OPCML: variants seen among roughly 807,000 people sequenced by gnomAD.
OPCML encodes the protein opioid binding protein/cell adhesion molecule like.
Under a neutral mutation model 37.8 loss-of-function variants are expected in OPCML, and 13 were observed. The observed-to-expected ratio is 0.34, with a 90% CI of 0.22 to 0.55. OPCML has a LOEUF of 0.55. Ranked by LOEUF, OPCML falls within the 20% of genes least tolerant of loss-of-function variation. OPCML has a pLI of 0.91. For missense variants in OPCML, 341 were observed against 435.6 expected, an observed-to-expected ratio of 0.78 and a Z score of 1.93; for synonymous variants, 176 against 168.8, an observed-to-expected ratio of 1.04 and a Z score of -0.33.
intron 2 of OPCML, among the ~76,000 whole-genome samples, chr11:132,927,783 C>T (rs1945047387): frequency 1.3e-5 from 2 of 151,940 alleles, no homozygotes; most frequent in African/African-American, 4.8e-5. Flanking sequence ...CATGGGTACA[C>T]AATGTATAAA....
chr11:133,146,005 G>A (rs1168758753), intron 1 of OPCML, among the ~76,000 whole-genome samples: 1 of 152,196 alleles, frequency 6.6e-6, no homozygotes, highest in Admixed American at 6.5e-5. Context: ...CTGTGATAAT[G>A]TCTTATTATT....
intron 1 of OPCML, among the ~76,000 whole-genome samples, chr11:133,138,997 T>C (rs1397333456): frequency 6.6e-6 from 1 of 152,162 alleles, no homozygotes; most frequent in Non-Finnish European, 1.5e-5. Context: ...ACAAGTTAAG[T>C]TTCCCAAATT....
chr11:133,133,322 T>C (rs775920863), intron 1 of OPCML, among the ~76,000 whole-genome samples: 9 of 152,180 alleles, frequency 5.9e-5, no homozygotes, highest in Non-Finnish European at 1.0e-4. Flanking sequence ...ATCCCATTTA[T>C]TCTTCCCATC....
intron 2 of OPCML, among the ~76,000 whole-genome samples, chr11:132,913,936 G>A (rs1233043340): frequency 5.9e-5 from 9 of 152,098 alleles, no homozygotes; most frequent in Admixed American, 2.6e-4. Context: ...GCATCCTTTC[G>A]ACTCATTTTC....
At chr11:133,222,565 T>C (rs1484550225) in intron 1 of OPCML, among the ~76,000 whole-genome samples, 2 of 152,152 alleles carry the variant, frequency 1.3e-5, no homozygotes, top group African/African-American at 2.4e-5. Flanking sequence ...CAGGCTGTGT[T>C]TGTTTCCAGC....
intron 2 of OPCML, among the ~76,000 whole-genome samples, chr11:132,888,424 C>T (rs916709661): frequency 1.3e-5 from 2 of 152,120 alleles, no homozygotes; most frequent in Non-Finnish European, 2.9e-5. Flanking sequence ...TCAGCATGCT[C>T]GGTGAGGGAT....
intron 1 of OPCML, among the ~76,000 whole-genome samples, chr11:133,114,483 C>T (rs766555426): frequency 6.6e-5 from 10 of 152,184 alleles, no homozygotes; most frequent in Admixed American, 2.6e-4. Flanking sequence ...AAATCAGTCT[C>T]CTAACTGTCT....
At chr11:133,020,682 A>G (rs748964522) in intron 1 of OPCML, among the ~76,000 whole-genome samples, 7 of 152,170 alleles carry the variant, frequency 4.6e-5, no homozygotes, top group Non-Finnish European at 1.0e-4. Context: ...AGCTGACACA[A>G]GTCAGTTCTT....
intron 1 of OPCML, among the ~76,000 whole-genome samples, chr11:133,231,493 T>C (rs1036496056): frequency 1.3e-5 from 2 of 152,136 alleles, no homozygotes; most frequent in Non-Finnish European, 2.9e-5. Context: ...AAACATTTCA[T>C]TGTAATTTTA....
At chr11:132,495,144 C>A (rs1332669406) in intron 4 of OPCML, among the ~76,000 whole-genome samples, 1 of 151,386 alleles carries the variant, frequency 6.6e-6, no homozygotes, top group Non-Finnish European at 1.5e-5. Context: ...CATTTCATTT[C>A]TTCCATTGTA....
chr11:132,780,895 C>T (rs1344885209), intron 2 of OPCML, among the ~76,000 whole-genome samples: 1 of 152,160 alleles, frequency 6.6e-6, no homozygotes, highest in Non-Finnish European at 1.5e-5. Context: ...TGTAAGCAGA[C>T]TCACTGGGGA....
At chr11:132,782,917 GTA>G (rs59984496) in intron 2 of OPCML, among the ~76,000 whole-genome samples, 7,881 of 124,980 alleles carry the variant, frequency 0.063, 337 homozygotes, top group African/African-American at 0.14. Flanking sequence ...TATAGTGTGT[GTA>G]TATATATATA....
chr11:132,958,116 T>C (rs1248946302), intron 1 of OPCML, among the ~76,000 whole-genome samples: 3 of 152,150 alleles, frequency 2.0e-5, no homozygotes, highest in Non-Finnish European at 2.9e-5. Flanking sequence ...CAAAGGAAAA[T>C]TCCTGAAGGA....
chr11:133,477,962 A>C (rs1169040056), intron 1 of OPCML, among the ~76,000 whole-genome samples: 1 of 152,226 alleles, frequency 6.6e-6, no homozygotes, highest in African/African-American at 2.4e-5. Flanking sequence ...ATTTTAATTA[A>C]GTAGTGTTAA....
At chr11:133,015,387 GGAAGGAAT>G (rs1335237311) in intron 1 of OPCML, among the ~76,000 whole-genome samples, 13 of 86,824 alleles carry the variant, frequency 1.5e-4, no homozygotes, top group East Asian at 3.8e-4. Context: ...AAGGAAGGAA[GGAAGGAAT>G]GAAGGAAGGA....
intron 1 of OPCML, among the ~76,000 whole-genome samples, chr11:133,288,295 C>G (rs1408447206): frequency 6.6e-6 from 1 of 152,208 alleles, no homozygotes; most frequent in East Asian, 1.9e-4. Context: ...GGAGACTTAG[C>G]AGGTTATGCT....
intron 2 of OPCML, among the ~76,000 whole-genome samples, chr11:132,823,376 C>G (rs1485238175): frequency 1.3e-5 from 2 of 152,172 alleles, no homozygotes; most frequent in Non-Finnish European, 2.9e-5. Context: ...ACACCCCTTC[C>G]TCCCACTTGC....
intron 1 of OPCML, among the ~76,000 whole-genome samples, chr11:133,410,444 C>T (rs1356758384): frequency 6.6e-6 from 1 of 151,918 alleles, no homozygotes; most frequent in Non-Finnish European, 1.5e-5. Context: ...TTGCACTCAG[C>T]CCCGTTTCCA....
At chr11:132,946,539 C>T (rs1438605902) in intron 1 of OPCML, among the ~76,000 whole-genome samples, 1 of 152,218 alleles carries the variant, frequency 6.6e-6, no homozygotes, top group African/African-American at 2.4e-5. Flanking sequence ...TACAGTGTCA[C>T]TGGAGGATGA....
Sources: allele counts gnomAD v4.1 joint callset (sites outside exome capture counted in the v4.1 genomes callset), GRCh38; gene constraint gnomAD v4.1.1; transcripts MANE v1.5; gene names NCBI Gene and HGNC (gene_info 2026-07-23, HGNC 2026-07-21).